Variants in ZFPM2 observed in about 807,000 individuals in gnomAD.
ZFPM2 encodes zinc finger protein ZFPM2.
ZFPM2 carries 20 observed loss-of-function variants against 98.6 expected under a neutral mutation model. The observed-to-expected ratio is 0.20, with a 90% CI of 0.14 to 0.29. The LOEUF (loss-of-function observed/expected upper bound fraction) is 0.29, where lower values mean the gene tolerates loss of function less well. Among genes scored for constraint, ZFPM2 ranks in the 10% least tolerant of loss-of-function variants. ZFPM2 has a pLI of 1.00. For synonymous variants in ZFPM2, 518 were observed against 502.7 expected, an observed-to-expected ratio of 1.03 and a Z score of -0.41; for missense variants, 1,310 against 1,388.6, an observed-to-expected ratio of 0.94 and a Z score of 0.90.
At chr8:105,752,710 C>T (rs943105095) in intron 5 of ZFPM2, among the ~76,000 whole-genome samples, 1 of 152,114 alleles carries the variant, frequency 6.6e-6, no homozygotes, top group African/African-American at 2.4e-5. Flanking sequence ...ATTTGTGCTT[C>T]CAACCCTAAC....
At chr8:105,424,354 A>G (rs1811863453) in intron 2 of ZFPM2, among the ~76,000 whole-genome samples, 1 of 152,092 alleles carries the variant, frequency 6.6e-6, no homozygotes. Flanking sequence ...TTGCATCTAG[A>G]TATGAAGAAT....
chr8:105,782,252 A>G (rs557053974), intron 5 of ZFPM2: 1 of 152,334 alleles, frequency 6.6e-6, no homozygotes, highest in Admixed American at 6.5e-5. Context: ...GAAGCATAAA[A>G]AGATGCTCAC....
chr8:105,535,147 A>G (rs547676755), intron 3 of ZFPM2, among the ~76,000 whole-genome samples: 6 of 152,206 alleles, frequency 3.9e-5, no homozygotes, highest in Non-Finnish European at 7.3e-5. Flanking sequence ...CCTCCTTCCC[A>G]TTAAATAAAT....
chr8:105,601,365 T>C (rs970860911), intron 4 of ZFPM2, among the ~76,000 whole-genome samples: 2 of 152,098 alleles, frequency 1.3e-5, no homozygotes, highest in African/African-American at 4.8e-5. Context: ...CTCCAGAGAA[T>C]TCATCACCTG....
At chr8:105,500,469 G>A (rs1198358866) in intron 3 of ZFPM2, among the ~76,000 whole-genome samples, 2 of 152,014 alleles carry the variant, frequency 1.3e-5, no homozygotes, top group Non-Finnish European at 2.9e-5. Flanking sequence ...TCCCTTCTGT[G>A]TATGTTATAA....
intron 1 of ZFPM2, among the ~76,000 whole-genome samples, chr8:105,360,073 A>G (rs1800437546): frequency 6.6e-6 from 1 of 152,170 alleles, no homozygotes; most frequent in Admixed American, 6.6e-5. Flanking sequence ...ATTTTGGTAC[A>G]TGGCTCTGTT....
intron 1 of ZFPM2, among the ~76,000 whole-genome samples, chr8:105,414,247 T>TG (rs968917724): frequency 6.6e-5 from 10 of 151,990 alleles, no homozygotes; most frequent in Non-Finnish European, 1.5e-5. Context: ...AGATCCCTTT[T>TG]GGGGGATATT....
chr8:105,600,946 A>T (rs1479530522), intron 4 of ZFPM2, among the ~76,000 whole-genome samples: 1 of 152,128 alleles, frequency 6.6e-6, no homozygotes, highest in East Asian at 1.9e-4. Context: ...GAATACATGT[A>T]GATATAGTCT....
chr8:105,521,811 A>G (rs1175557222), intron 3 of ZFPM2, among the ~76,000 whole-genome samples: 3 of 152,170 alleles, frequency 2.0e-5, no homozygotes, highest in Non-Finnish European at 4.4e-5. Flanking sequence ...TCCTGACCTC[A>G]GGTGATCCGC....
At chr8:105,453,756 G>A (rs1373740804) in intron 3 of ZFPM2, among the ~76,000 whole-genome samples, 2 of 151,638 alleles carry the variant, frequency 1.3e-5, no homozygotes, top group East Asian at 1.9e-4. Context: ...ATTCTCTTGC[G>A]TCAGCCTCCC....
At chr8:105,744,737 A>AG (rs5893759) in intron 5 of ZFPM2, among the ~76,000 whole-genome samples, 152,186 of 152,186 alleles carry the variant, frequency 1, 76,093 homozygotes, top group Non-Finnish European at 1. Context: ...TCTAGCCGGA[A>AG]AAACAGCATG....
chr8:105,521,411 G>A (rs926369024), intron 3 of ZFPM2, among the ~76,000 whole-genome samples: 8 of 151,638 alleles, frequency 5.3e-5, no homozygotes, highest in African/African-American at 1.9e-4. Context: ...AGGGGGGAGG[G>A]GGGGAGGGAT....
At chr8:105,562,849 G>C (rs144556121) in intron 4 of ZFPM2, among the ~76,000 whole-genome samples, 1 of 152,150 alleles carries the variant, frequency 6.6e-6, no homozygotes, top group South Asian at 2.1e-4. Flanking sequence ...CCATGCAAAG[G>C]AATGTTCGCA....
intron 5 of ZFPM2, among the ~76,000 whole-genome samples, chr8:105,654,574 CCT>C (rs1655509243): frequency 8.9e-6 from 1 of 112,720 alleles, no homozygotes; most frequent in African/African-American, 3.8e-5. Flanking sequence ...TTTTTTCTAT[CCT>C]TTTTTTTTTT....
chr8:105,386,574 G>A (rs557622435), intron 1 of ZFPM2, among the ~76,000 whole-genome samples: 8 of 152,062 alleles, frequency 5.3e-5, no homozygotes, highest in Non-Finnish European at 8.8e-5. Flanking sequence ...AGACCTTTTC[G>A]GTGAGTGTTA....
intron 4 of ZFPM2, among the ~76,000 whole-genome samples, chr8:105,617,619 G>A (rs954863619): frequency 2.0e-5 from 3 of 152,256 alleles, no homozygotes; most frequent in Non-Finnish European, 4.4e-5. Flanking sequence ...AATGTGATGA[G>A]GCTGTATTGT....
At chr8:105,776,818 T>G (rs1586255556) in intron 5 of ZFPM2, among the ~76,000 whole-genome samples, 1 of 152,326 alleles carries the variant, frequency 6.6e-6, no homozygotes, top group East Asian at 1.9e-4. Context: ...CCAGGTTTCA[T>G]ACCCAGAAAT....
intron 5 of ZFPM2, among the ~76,000 whole-genome samples, chr8:105,701,676 A>G (rs924538997): frequency 2.0e-5 from 3 of 152,192 alleles, no homozygotes; most frequent in African/African-American, 7.2e-5. Context: ...TACAAAATAC[A>G]TGCCTGGAAG....
chr8:105,784,151 G>A (rs1358588710), intron 5 of ZFPM2, among the ~76,000 whole-genome samples: 1 of 152,052 alleles, frequency 6.6e-6, no homozygotes, highest in Non-Finnish European at 1.5e-5. Flanking sequence ...ACATGACTTA[G>A]CATTTTCATG....
Sources: gnomAD v4.1 joint callset for allele counts (sites outside exome capture counted in the v4.1 genomes callset) on GRCh38, gnomAD v4.1.1 for gene constraint, MANE v1.5 for transcripts, NCBI Gene and HGNC (gene_info 2026-07-23, HGNC 2026-07-21) for gene names.